The following DEPDC5 variants were observed in gnomAD, a reference collection of about 807,000 sequenced individuals.
The protein encoded by DEPDC5 is GATOR1 complex protein DEPDC5.
Under a neutral mutation model 217.3 loss-of-function variants are expected in DEPDC5, and 73 were observed. The observed-to-expected ratio is 0.34, with a 90% CI of 0.28 to 0.41. The LOEUF (loss-of-function observed/expected upper bound fraction) is 0.41, where lower values mean the gene tolerates loss of function less well. Ranked by LOEUF, DEPDC5 falls within the 10% of genes least tolerant of loss-of-function variation. The probability of loss-of-function intolerance (pLI) is 1.00; values close to 1 mark genes in which losing one functional copy is unlikely to be tolerated. For missense variants in DEPDC5, 1,675 were observed against 2,070.1 expected (o/e 0.81, Z 3.70); for synonymous variants, 733 against 756.7 (o/e 0.97, Z 0.51).
At chr22:31,797,565 G>A (rs760441577) in intron 12 of DEPDC5, 35 bp from the exon 13 acceptor site, 1 of 1,558,092 alleles carries the variant, frequency 6.4e-7, no homozygotes, top group East Asian at 2.2e-5. Context: ...CATATCAGCT[G>A]CTCAATATCC....
Position 31,857,447 on chromosome 22 carries a change from G to T in DEPDC5, c.3158G>T (p.Cys1053Phe), listed in dbSNP as rs771407307. Residue 1053 changes from cysteine (C) to phenylalanine (F), a missense_variant and splice_region_variant, in exon 32 of 43, where the codon TGC (cysteine) becomes TTC (phenylalanine). Cys to Phe is a radical substitution (Grantham distance 205, BLOSUM62 -2). Transcript: ENST00000651528. ...TCATGTGCTTTTCCTCCTTTCAGGT[G>T]CCTGGGAGAACAGCAGGCAGCTGTG... ...ALLEMEASQKCLGEQQAAVHG... is the reference protein window; with the variant it reads ...ALLEMEASQKFLGEQQAAVHG... 5.0e-6 allele frequency: 8 copies of T among 1,603,618 alleles called. No individual in the cohort carries two copies. Among genetic ancestry groups the T allele is most frequent in the Non-Finnish European group, 6.0e-6 (7 of 1,175,134 alleles).
At chr22:31,798,075 C>T (rs2086460941) in intron 13 of DEPDC5, among the ~76,000 whole-genome samples, 1 of 152,100 alleles carries the variant, frequency 6.6e-6, no homozygotes, top group Non-Finnish European at 1.5e-5. Flanking sequence ...CATGCACTAC[C>T]ATGCCCAGAT....
At position 31,902,437 on chromosome 22, in the gene DEPDC5, C is replaced by G. The variant is rs923906831; in HGVS notation, c.4436+635C>G. Among the ~76,000 whole-genome samples, 3 of 78,194 alleles carry G rather than the reference C, an allele frequency of 3.8e-5. No individual in the cohort carries two copies. The East Asian group carries it at 9.1e-4, about 24-fold the overall frequency. The allele number at this position is 78,194 out of a possible 152,430, so 51.3% of individuals were successfully genotyped here. On this transcript the variant is annotated intron_variant, in intron 41 of 42. Transcript: ENST00000651528. ...ATATATATATATATATATATATATA[C>G]TTATATATACTCATACAACCACAGG...
intron 40 of DEPDC5, among the ~76,000 whole-genome samples, chr22:31,900,009 C>T (rs1362995654): frequency 6.6e-6 from 1 of 152,134 alleles, no homozygotes; most frequent in East Asian, 1.9e-4. Context: ...CTGCTCTCCT[C>T]CCCAGCTGAT....
chr22:31,888,617 C>A (rs2093370492), intron 38 of DEPDC5, among the ~76,000 whole-genome samples: 1 of 151,898 alleles, frequency 6.6e-6, no homozygotes, highest in African/African-American at 2.4e-5. Context: ...TGGCATGATC[C>A]TAGCTTGCTG....
chr22:31,815,705 ATT>A, intron 21 of DEPDC5: 3 of 645,606 alleles, frequency 4.6e-6, no homozygotes, highest in Non-Finnish European at 7.1e-6. Context: ...TGATTATCAT[ATT>A]TTTTTTTGTA....
intron 34 of DEPDC5, among the ~76,000 whole-genome samples, chr22:31,872,817 C>A (rs931939980): frequency 6.6e-6 from 1 of 151,964 alleles, no homozygotes; most frequent in Admixed American, 6.6e-5. Context: ...ATGAGTGGCA[C>A]GACCTCAGCT....
intron 34 of DEPDC5, 84 bp downstream of exon 34, chr22:31,870,828 C>T: frequency 7.2e-7 from 1 of 1,388,598 alleles, no homozygotes; most frequent in Non-Finnish European, 9.4e-7. Flanking sequence ...AAGTCCAAAG[C>T]TCTGGGCCGA....
chr22:31,892,467 G>A (rs994253366), intron 38 of DEPDC5, among the ~76,000 whole-genome samples: 20 of 152,064 alleles, frequency 1.3e-4, no homozygotes, highest in Non-Finnish European at 2.1e-4. Context: ...GTGGAGCACC[G>A]GCGGTCAGGA....
chr22:31,768,803 C>G lies in DEPDC5; in HGVS notation c.364-11C>G, dbSNP rs1261280021. The stretch of plus-strand genomic sequence containing the variant: ...CTCCCTCTCTCTACCCCTCTCTCCC[C>G]CTCCTCTTAGGTCAGCACATGTGCC... On this transcript the variant is annotated splice_polypyrimidine_tract_variant and intron_variant, in intron 6 of 42. Transcript: ENST00000651528. 5 of 1,612,340 alleles carry G rather than the reference C, an allele frequency of 3.1e-6. No homozygotes were observed. Among genetic ancestry groups the G allele is most frequent in the Non-Finnish European group, 4.2e-6 (5 of 1,179,092 alleles).
chr22:31,840,020 T>G (rs1486162467), intron 27 of DEPDC5, among the ~76,000 whole-genome samples: 2 of 152,196 alleles, frequency 1.3e-5, no homozygotes, highest in Non-Finnish European at 2.9e-5. Flanking sequence ...ACACATTGAT[T>G]CTACAGTATC....
intron 14 of DEPDC5, among the ~76,000 whole-genome samples, chr22:31,801,392 TCTC>T (rs2086853184): frequency 6.6e-6 from 1 of 152,162 alleles, no homozygotes; most frequent in African/African-American, 2.4e-5. Flanking sequence ...ATGATACCCT[TCTC>T]CTGCTCCCCA....
At chr22:31,852,471 G>A (rs2092082673) in intron 31 of DEPDC5, among the ~76,000 whole-genome samples, 1 of 151,694 alleles carries the variant, frequency 6.6e-6, no homozygotes, top group Non-Finnish European at 1.5e-5. Flanking sequence ...CTCCCGAGAA[G>A]CTGGGATTAC....
At chr22:31,802,241 A>G (rs367930101) in intron 14 of DEPDC5, among the ~76,000 whole-genome samples, 1 of 147,820 alleles carries the variant, frequency 6.8e-6, no homozygotes, top group South Asian at 2.1e-4. Flanking sequence ...TGATTCTCCC[A>G]TCTCAGCCTC....
chr22:31,906,603 A>T lies in DEPDC5; in HGVS notation c.*106A>T. 1 of 1,366,126 alleles carries T rather than the reference A, an allele frequency of 7.3e-7. No individual in the cohort carries two copies. Among genetic ancestry groups the T allele is most frequent in the Non-Finnish European group, 1.0e-6 (1 of 995,710 alleles). 84.6% of individuals were successfully genotyped at this position (1,366,126 alleles called of 1,614,324 possible). A position where few individuals can be genotyped will look rare whatever the true frequency, so the allele number is the denominator to read the frequency against. ...AGGAGTCAGGTGTCCGTTTGCTGCT[A>T]TCAGTGAGTGGGGGCCATTGTTTTT... On this transcript the variant is annotated 3_prime_UTR_variant, in exon 43 of 43. Coordinates refer to ENST00000651528, the MANE Select transcript of DEPDC5 (RefSeq NM_001242896.3). The surrounding 1 kb of genome is among the most constrained non-coding windows in gnomAD (Gnocchi z 5.1).
chr22:31,823,985 T>TA (rs1312131914), intron 24 of DEPDC5, among the ~76,000 whole-genome samples: 10 of 152,122 alleles, frequency 6.6e-5, no homozygotes, highest in Admixed American at 4.6e-4. Context: ...ATTAAAACTT[T>TA]AAAAAAATTG....
At chr22:31,836,833 C>T in intron 25 of DEPDC5, 139 bp from the exon 26 acceptor site, 1 of 750,348 alleles carries the variant, frequency 1.3e-6, no homozygotes. Flanking sequence ...TACCCTGTTT[C>T]TTCCCAATCC....
chr22:31,902,876 G>A (rs558857791), intron 41 of DEPDC5, among the ~76,000 whole-genome samples: 2 of 152,156 alleles, frequency 1.3e-5, no homozygotes, highest in African/African-American at 2.4e-5. Flanking sequence ...GCTAACTCAC[G>A]AGTTTCTAAG....
At chr22:31,903,023 C>G (rs1189419144) in intron 41 of DEPDC5, among the ~76,000 whole-genome samples, 1 of 151,940 alleles carries the variant, frequency 6.6e-6, no homozygotes, top group African/African-American at 2.4e-5. Flanking sequence ...TTCCCAGGAA[C>G]TATTGTACTT....
Sources: allele counts gnomAD v4.1 joint callset (sites outside exome capture counted in the v4.1 genomes callset), GRCh38; gene constraint gnomAD v4.1.1; non-coding constraint Gnocchi (gnomAD v3.1); transcripts MANE v1.5; gene names NCBI Gene and HGNC (gene_info 2026-07-23, HGNC 2026-07-21).